The following KCNIP4 variants were observed in gnomAD, a reference collection of about 807,000 sequenced individuals.
KCNIP4 encodes the protein potassium voltage-gated channel interacting protein 4, also known as Kv channel-interacting protein 4.
In KCNIP4, 12 loss-of-function variants were observed where a neutral mutation model predicts 34.0. The observed-to-expected ratio is 0.35, with a 90% CI of 0.23 to 0.57. The LOEUF is 0.57. Among genes scored for constraint, KCNIP4 ranks in the 20% least tolerant of loss-of-function variants. KCNIP4 has a pLI of 0.83. For missense variants in KCNIP4, 238 were observed against 311.7 expected, an observed-to-expected ratio of 0.76 and a Z score of 1.78; for synonymous variants, 124 against 102.2, an observed-to-expected ratio of 1.21 and a Z score of -1.29.
At chr4:21,091,904 G>C (rs914245060) in intron 1 of KCNIP4, among the ~76,000 whole-genome samples, 1 of 151,986 alleles carries the variant, frequency 6.6e-6, no homozygotes, top group African/African-American at 2.4e-5. Flanking sequence ...CATTTTGAGG[G>C]GAAACCAACA....
rs115147369 is a variant in KCNIP4, at chr4:21,939,775, T to C, written c.61+8796A>G. On this transcript the variant is annotated intron_variant, in intron 1 of 8. Coordinates refer to ENST00000382152, the MANE Select transcript of KCNIP4 (RefSeq NM_025221.6). ...AAAGGGAGTTTATGAAAGTAGATGATATGGAAAAAGTGATTTAAAATTCTT... is the reference window on the plus strand; with the variant it reads ...AAAGGGAGTTTATGAAAGTAGATGACATGGAAAAAGTGATTTAAAATTCTT... 8.5e-3 allele frequency among the ~76,000 whole-genome samples: 1,294 copies of C among 152,218 alleles called. 20 individuals are homozygous for C. The highest frequency in any genetic ancestry group is 0.029 in the African/African-American group (1,186 of 41,528).
intron 5 of KCNIP4, among the ~76,000 whole-genome samples, chr4:20,736,680 A>G (rs1387672805): frequency 6.6e-6 from 1 of 152,202 alleles, no homozygotes; most frequent in Admixed American, 6.5e-5. Flanking sequence ...GAATATTTCA[A>G]TTCGCTTTTA....
intron 3 of KCNIP4, among the ~76,000 whole-genome samples, chr4:20,795,637 A>G (rs1713355037): frequency 6.6e-6 from 1 of 152,130 alleles, no homozygotes; most frequent in South Asian, 2.1e-4. Flanking sequence ...CCAGTGTACC[A>G]ATTTCACAAT....
intron 1 of KCNIP4, among the ~76,000 whole-genome samples, chr4:21,221,609 T>C (rs1480068574): frequency 6.6e-6 from 1 of 152,136 alleles, no homozygotes; most frequent in Non-Finnish European, 1.5e-5. Flanking sequence ...ACCTGGTCTC[T>C]CCCTTGACAT....
intron 1 of KCNIP4, among the ~76,000 whole-genome samples, chr4:21,758,381 C>T (rs1423012295): frequency 2.6e-5 from 4 of 152,136 alleles, no homozygotes; most frequent in Admixed American, 2.0e-4. Context: ...TGGAAAGTGC[C>T]TTAAAAACAG....
chr4:21,403,013 G>A (rs1424421478), intron 1 of KCNIP4, among the ~76,000 whole-genome samples: 1 of 152,014 alleles, frequency 6.6e-6, no homozygotes, highest in African/African-American at 2.4e-5. Flanking sequence ...TGAGACTGTG[G>A]TCTACACCAC....
At chr4:20,982,602 A>C (rs1027962406) in intron 1 of KCNIP4, among the ~76,000 whole-genome samples, 14 of 152,274 alleles carry the variant, frequency 9.2e-5, no homozygotes, top group African/African-American at 3.4e-4. Context: ...CGAAGATTAC[A>C]ATAGAATGTA....
rs530432202 is a variant in KCNIP4, at chr4:20,747,581, ACCCAGGATAAACCTGCCTGC to A, written c.429+2061_429+2080del. On this transcript the variant is annotated intron_variant, in intron 5 of 8. Coordinates refer to ENST00000382152, the MANE Select transcript of KCNIP4 (RefSeq NM_025221.6). ...CTCTCCCTCCACTAACTGCTTCTAC[ACCCAGGATAAACCTGCCTGC>A]CCCATCTTGACTTAGTTCATTCCCT... Among the ~76,000 whole-genome samples, 353 of 152,154 alleles carry A rather than the reference ACCCAGGATAAACCTGCCTGC, an allele frequency of 2.3e-3. 8 individuals carry two copies. The South Asian group carries it at 0.046, about 20-fold the overall frequency.
chr4:21,078,688 T>C (rs1014667873), intron 1 of KCNIP4, among the ~76,000 whole-genome samples: 13 of 151,904 alleles, frequency 8.6e-5, no homozygotes, highest in Admixed American at 2.6e-4. Context: ...GTTAACTAAT[T>C]TGAGGAGAAA....
chr4:21,443,445 T>C (rs1233960957), intron 1 of KCNIP4, among the ~76,000 whole-genome samples: 2 of 152,176 alleles, frequency 1.3e-5, no homozygotes, highest in African/African-American at 4.8e-5. Flanking sequence ...AGCCTAGACA[T>C]TGCTGTGAAG....
At chr4:21,789,258 A>T (rs1039081301) in intron 1 of KCNIP4, among the ~76,000 whole-genome samples, 1 of 152,104 alleles carries the variant, frequency 6.6e-6, no homozygotes, top group Non-Finnish European at 1.5e-5. Context: ...AGTTGTATAA[A>T]TTTTCATTTA....
At chr4:21,153,703 T>C (rs957587631) in intron 1 of KCNIP4, among the ~76,000 whole-genome samples, 2 of 152,192 alleles carry the variant, frequency 1.3e-5, no homozygotes, top group East Asian at 3.9e-4. Context: ...TTTGGAATTC[T>C]GGGAAAACCC....
At chr4:21,019,207 G>A (rs1280925081) in intron 1 of KCNIP4, among the ~76,000 whole-genome samples, 7 of 151,936 alleles carry the variant, frequency 4.6e-5, no homozygotes, top group Non-Finnish European at 8.8e-5. Context: ...CCATGCTGGA[G>A]TGCAGTGGCG....
chr4:21,024,987 A>G (rs939727506), intron 1 of KCNIP4, among the ~76,000 whole-genome samples: 26 of 152,314 alleles, frequency 1.7e-4, no homozygotes, highest in African/African-American at 5.3e-4. Flanking sequence ...ATTTGTTTAA[A>G]TATGTAGAGC....
rs548236277 is a variant in KCNIP4, at chr4:21,228,377, G to A, written c.62-345668C>T. ...CTGCCATGATTGTAAGTTTCCTGAG[G>A]CCTCCAGTCATGCTTCCTGTTAAAC... On this transcript the variant is annotated intron_variant, in intron 1 of 8. Coordinates refer to ENST00000382152, the MANE Select transcript of KCNIP4 (RefSeq NM_025221.6). 2.6e-5 allele frequency among the ~76,000 whole-genome samples: 4 copies of A among 152,198 alleles called. No homozygotes were observed. In the East Asian group the frequency reaches 7.7e-4, roughly 29 times the overall value.
intron 1 of KCNIP4, among the ~76,000 whole-genome samples, chr4:21,501,127 C>T (rs1418410715): frequency 1.3e-5 from 2 of 152,094 alleles, no homozygotes; most frequent in Non-Finnish European, 2.9e-5. Flanking sequence ...TCTCTTGCCT[C>T]CCCAAGATGT....
At chr4:20,908,302 G>A (rs1453392351) in intron 1 of KCNIP4, among the ~76,000 whole-genome samples, 1 of 152,120 alleles carries the variant, frequency 6.6e-6, no homozygotes, top group Non-Finnish European at 1.5e-5. Flanking sequence ...GCTTCAACAT[G>A]TTGGTCAGGC....
intron 1 of KCNIP4, among the ~76,000 whole-genome samples, chr4:21,234,767 C>T (rs1204188343): frequency 6.6e-6 from 1 of 151,384 alleles, no homozygotes; most frequent in Admixed American, 6.6e-5. Context: ...CCTGCCTCAG[C>T]CTCCTGAGTA....
intron 1 of KCNIP4, among the ~76,000 whole-genome samples, chr4:21,011,155 G>A (rs1408887110): frequency 6.6e-6 from 1 of 152,188 alleles, no homozygotes; most frequent in Non-Finnish European, 1.5e-5. Flanking sequence ...ACATATATAA[G>A]TAATTGGCTT....
Sources: gnomAD v4.1 joint callset for allele counts (sites outside exome capture counted in the v4.1 genomes callset) on GRCh38, gnomAD v4.1.1 for gene constraint, MANE v1.5 for transcripts, NCBI Gene and HGNC (gene_info 2026-07-23, HGNC 2026-07-21) for gene names.